NLRC5: variants seen among roughly 807,000 people sequenced by gnomAD.
The protein encoded by NLRC5 is NLR family CARD domain containing 5.
A neutral mutation model predicts 206.9 loss-of-function variants in NLRC5; 114 were observed. The observed-to-expected ratio is 0.55, with a 90% CI of 0.47 to 0.64. The LOEUF is 0.64. Ranked by LOEUF, NLRC5 falls within the 30% of genes least tolerant of loss-of-function variation. The pLI, the probability that NLRC5 is intolerant of heterozygous loss-of-function variation, is 0.00. For missense variants in NLRC5, 2,008 were observed against 2,305.5 expected (o/e 0.87, Z 2.64); for synonymous variants, 952 against 962.8 (o/e 0.99, Z 0.21).
At chr16:57,060,518 C>A (rs1361375624) in intron 30 of NLRC5, among the ~76,000 whole-genome samples, 3 of 151,596 alleles carry the variant, frequency 2.0e-5, no homozygotes, top group Non-Finnish European at 2.9e-5. Context: ...CACATACACA[C>A]ACATACACCA....
intron 1 of NLRC5, among the ~76,000 whole-genome samples, chr16:57,007,728 CA>C (rs1353503068): frequency 1.3e-5 from 2 of 151,696 alleles, no homozygotes; most frequent in Non-Finnish European, 2.9e-5. Flanking sequence ...GACTCTGTCT[CA>C]AAAAAAAATT....
chr16:57,071,221 G>A (rs1250904169), intron 38 of NLRC5, among the ~76,000 whole-genome samples: 1 of 149,734 alleles, frequency 6.7e-6, no homozygotes, highest in Admixed American at 6.6e-5. Flanking sequence ...ATGGGGAAGG[G>A]AGGGAGTGAG....
intron 1 of NLRC5, among the ~76,000 whole-genome samples, chr16:57,012,723 T>C (rs2142678424): frequency 6.6e-6 from 1 of 152,338 alleles, no homozygotes; most frequent in South Asian, 2.1e-4. Context: ...TGATCTCTCA[T>C]GAAATCAGTC....
chr16:56,991,885 G>C (rs574990018), intron 1 of NLRC5: 82 of 152,176 alleles, frequency 5.4e-4, no homozygotes, highest in African/African-American at 1.9e-3. Context: ...AACCCTCGGC[G>C]CCTCCTAACG....
intron 23 of NLRC5, among the ~76,000 whole-genome samples, chr16:57,049,775 C>A (rs1342849081): frequency 2.0e-5 from 3 of 149,710 alleles, no homozygotes; most frequent in African/African-American, 7.4e-5. Flanking sequence ...TAAATAAAGC[C>A]CACTGGCAGC....
intron 8 of NLRC5, 87 bp from the exon 9 acceptor site, chr16:57,029,686 G>C: frequency 1.9e-6 from 2 of 1,056,302 alleles, no homozygotes; most frequent in South Asian, 2.7e-5. Context: ...TCTCCCACAT[G>C]AGGGTGGCCA....
At position 57,026,077 on chromosome 16, in the gene NLRC5, C is replaced by T. The variant is rs1341405132; in HGVS notation, c.1134C>T (p.His378=). 2.5e-6 allele frequency: 4 copies of T among 1,614,026 alleles called. No homozygotes were observed. Among genetic ancestry groups the T allele is most frequent in the Middle Eastern group, 1.6e-4 (1 of 6,084 alleles). The change falls in exon 6 of 49, where the codon CAC becomes CAT. Residue 378 remains histidine (H), a synonymous_variant. Coordinates refer to ENST00000688547, the MANE Select transcript of NLRC5 (RefSeq NM_001384950.1). ...DGPRVEEYVN[H]FFSAQPSREG... Reference sequence around the variant, plus strand: ...CACGGGTGGAAGAATATGTGAATCACTTCTTCAGCGCCCAGCCATCGCGGG... The same window carrying T: ...CACGGGTGGAAGAATATGTGAATCATTTCTTCAGCGCCCAGCCATCGCGGG...
intron 35 of NLRC5, 105 bp from the exon 36 acceptor site, chr16:57,067,631 C>T: frequency 7.3e-7 from 1 of 1,362,994 alleles, no homozygotes. Context: ...CTCAGGGGAG[C>T]TCTTGGGTGG....
intron 43 of NLRC5, 64 bp downstream of exon 43, chr16:57,078,084 G>GC (rs2068638218): frequency 2.1e-5 from 29 of 1,369,194 alleles, no homozygotes; most frequent in Non-Finnish European, 2.8e-5. Flanking sequence ...GGAGCAGTGG[G>GC]GGGGTCCAGG....
Position 57,042,010 on chromosome 16 carries a change from G to A in NLRC5, c.3058G>A (p.Gly1020Ser). The A allele has an allele frequency of 6.3e-7, 1 of 1,578,120 alleles. No individual in the cohort carries two copies. Among genetic ancestry groups the A allele is most frequent in the Non-Finnish European group, 8.6e-7 (1 of 1,165,766 alleles). The change falls in exon 19 of 49, where the codon GGT becomes AGT. Residue 1020 changes from glycine to serine, a missense_variant. Gly to Ser is a moderately conservative substitution (Grantham distance 56, BLOSUM62 0). Transcript: ENST00000688547. ...CTCAGGCAATGCTCTGGGGGATGAAGGTGCAGCCCGGCTGGCTCAGCTGCT... is the reference window on the plus strand; with the variant it reads ...CTCAGGCAATGCTCTGGGGGATGAAAGTGCAGCCCGGCTGGCTCAGCTGCT... ...DFSGNALGDE[G>S]AARLAQLLPG...
intron 37 of NLRC5, among the ~76,000 whole-genome samples, chr16:57,070,246 A>AGG (rs765382675): frequency 3.1e-4 from 27 of 87,990 alleles, no homozygotes; most frequent in Non-Finnish European, 5.3e-4. Context: ...GAAGAACAAG[A>AGG]GGGTGTGTGT....
intron 1 of NLRC5, chr16:57,013,388 G>A (rs28397840): frequency 0.015 from 9,403 of 630,072 alleles, 511 homozygotes; most frequent in African/African-American, 0.13. Context: ...TTACTAAGCT[G>A]TTGAACAATT....
intron 15 of NLRC5, among the ~76,000 whole-genome samples, chr16:57,037,613 C>A (rs2062763966): frequency 6.6e-6 from 1 of 152,142 alleles, no homozygotes; most frequent in South Asian, 2.1e-4. Context: ...GGACAAAGCT[C>A]CCTGGGAGAC....
At chr16:57,063,073 T>C (rs1397659623) in intron 32 of NLRC5, among the ~76,000 whole-genome samples, 1 of 151,922 alleles carries the variant, frequency 6.6e-6, no homozygotes, top group Non-Finnish European at 1.5e-5. Context: ...TCATTCATGT[T>C]GCAGCGTGTG....
chr16:57,076,689 C>CGT (rs2068445727), intron 39 of NLRC5, 130 bp from the exon 40 acceptor site: 1 of 795,564 alleles, frequency 1.3e-6, no homozygotes, highest in Non-Finnish European at 2.1e-6. Flanking sequence ...CCATGACCCC[C>CGT]AGAAGTTTTG....
chr16:57,051,254 G>T (rs1360739022), intron 23 of NLRC5, among the ~76,000 whole-genome samples: 1 of 152,214 alleles, frequency 6.6e-6, no homozygotes, highest in Non-Finnish European at 1.5e-5. Context: ...GGAAAAGTCT[G>T]CTGTAGCTCC....
rs2064889077 is a variant in NLRC5 at position 57,051,454 on chromosome 16, C to T, written c.3423-84C>T. The T allele has an allele frequency of 5.1e-6, 5 of 984,478 alleles. No individual in the cohort carries two copies. In the South Asian group the frequency reaches 5.3e-5, roughly 10 times the overall value. The allele number at this position is 984,478 out of a possible 1,614,324, so 61.0% of individuals were successfully genotyped here. A position where few individuals can be genotyped will look rare whatever the true frequency, so the allele number is the denominator to read the frequency against. On this transcript the variant is annotated intron_variant, in intron 23 of 48. Coordinates refer to ENST00000688547, the MANE Select transcript of NLRC5 (RefSeq NM_001384950.1). ...TCAGGTGACCCTGGTTAGGTCCCAT[C>T]TCCAGAAGGCTCTGGCTATGAGGCC...
chr16:57,017,842 A>G (rs1451554557), intron 2 of NLRC5, among the ~76,000 whole-genome samples: 1 of 152,236 alleles, frequency 6.6e-6, no homozygotes, highest in African/African-American at 2.4e-5. Flanking sequence ...GAGAAAGAGT[A>G]TCTGTGAACA....
At chr16:56,995,369 G>A (rs542928424) in intron 1 of NLRC5, among the ~76,000 whole-genome samples, 2 of 152,330 alleles carry the variant, frequency 1.3e-5, no homozygotes, top group South Asian at 2.1e-4. Flanking sequence ...TGACATCCAG[G>A]CGTAAGCAAC....
Sources: allele counts gnomAD v4.1 joint callset (sites outside exome capture counted in the v4.1 genomes callset), GRCh38; gene constraint gnomAD v4.1.1; transcripts MANE v1.5; gene names NCBI Gene and HGNC (gene_info 2026-07-23, HGNC 2026-07-21).